ENPP2: variants seen among roughly 807,000 people sequenced by gnomAD.
The protein encoded by ENPP2 is autotaxin.
A neutral mutation model predicts 120.2 loss-of-function variants in ENPP2; 51 were observed. The ratio of observed to expected loss-of-function variants is 0.42; its 90% CI spans 0.34 to 0.54. The LOEUF (loss-of-function observed/expected upper bound fraction) is 0.54, where lower values mean the gene tolerates loss of function less well. Ranked by LOEUF, ENPP2 falls within the 20% of genes least tolerant of loss-of-function variation. ENPP2 has a pLI of 0.04. For missense variants in ENPP2, 920 were observed against 1,066.5 expected, an observed-to-expected ratio of 0.86 and a Z score of 1.91; for synonymous variants, 365 against 366.4, an observed-to-expected ratio of 1.00 and a Z score of 0.04.
chr8:119,619,172 T>A (rs1371749647), intron 5 of ENPP2, 72 bp downstream of exon 5: 1 of 1,113,258 alleles, frequency 9.0e-7, no homozygotes, highest in East Asian at 2.4e-5. Flanking sequence ...TCTAAATACT[T>A]CTCTTTTCAT....
chr8:119,606,451 C>T (rs911108995), intron 9 of ENPP2, among the ~76,000 whole-genome samples: 1 of 152,038 alleles, frequency 6.6e-6, no homozygotes, highest in African/African-American at 2.4e-5. Flanking sequence ...AAATATGTTA[C>T]AGAACAGAAG....
At chr8:119,607,712 A>T (rs1814821235) in intron 9 of ENPP2, among the ~76,000 whole-genome samples, 1 of 152,042 alleles carries the variant, frequency 6.6e-6, no homozygotes, top group African/African-American at 2.4e-5. Context: ...GATGGAAAAA[A>T]GGAGAGCTGG....
chr8:119,589,368 T>C (rs949086610), intron 13 of ENPP2, among the ~76,000 whole-genome samples: 1 of 152,184 alleles, frequency 6.6e-6, no homozygotes, highest in Non-Finnish European at 1.5e-5. Context: ...TTTTGTAAAG[T>C]ACAAAAATTT....
At chr8:119,638,840 G>A, upstream of ENPP2, 9 of 1,611,752 alleles carry the variant, frequency 5.6e-6, no homozygotes, top group Non-Finnish European at 7.6e-6. Flanking sequence ...GGAGTGCACT[G>A]CTTTGAGGCT....
At chr8:119,666,020 A>C (rs58696910) in intron 1 of ENPP2, among the ~76,000 whole-genome samples, 2,469 of 152,294 alleles carry the variant, frequency 0.016, 68 homozygotes, top group African/African-American at 0.056. Flanking sequence ...ATTGAAGATT[A>C]TGTTTTTGAA....
At chr8:119,631,182 C>T (rs1816644186) in intron 2 of ENPP2, among the ~76,000 whole-genome samples, 3 of 147,502 alleles carry the variant, frequency 2.0e-5, no homozygotes. Context: ...GTGTGAGCCA[C>T]TGCGCCCAGC....
chr8:119,658,506 C>T (rs950487894), intron 1 of ENPP2, among the ~76,000 whole-genome samples: 1 of 152,202 alleles, frequency 6.6e-6, no homozygotes, highest in Non-Finnish European at 1.5e-5. Flanking sequence ...TTCCTAGAGT[C>T]AGGCACATCT....
intron 11 of ENPP2, among the ~76,000 whole-genome samples, chr8:119,597,262 A>G (rs1376462502): frequency 2.0e-5 from 3 of 152,090 alleles, no homozygotes; most frequent in African/African-American, 7.2e-5. Context: ...CAGCAAAAGG[A>G]AAAGAGGATT....
At chr8:119,653,796 A>T (rs1037313861) in intron 1 of ENPP2, among the ~76,000 whole-genome samples, 8 of 152,078 alleles carry the variant, frequency 5.3e-5, no homozygotes, top group Non-Finnish European at 1.0e-4. Context: ...ATGGATATTT[A>T]ATGAGCACGC....
chr8:119,600,252 C>G (rs1282102699), intron 11 of ENPP2, among the ~76,000 whole-genome samples: 1 of 152,144 alleles, frequency 6.6e-6, no homozygotes, highest in African/African-American at 2.4e-5. Flanking sequence ...CTTAGCTGAT[C>G]TACCCTCTCT....
At chr8:119,577,639 A>G (rs1159738770) in intron 19 of ENPP2, among the ~76,000 whole-genome samples, 1 of 152,248 alleles carries the variant, frequency 6.6e-6, no homozygotes, top group Non-Finnish European at 1.5e-5. Flanking sequence ...TTGTGTCATT[A>G]AATGTTGGTG....
In ENPP2 at chr8:119,570,809, G is replaced by A. The variant is rs1814907445; in HGVS notation, c.1813C>T (p.Leu605Phe). 1 of 1,577,360 alleles carries A rather than the reference G, an allele frequency of 6.3e-7. No homozygotes were observed. The highest frequency in any genetic ancestry group is 1.4e-5 in the African/African-American group (1 of 72,928). ...RHLLYGRPAV[L>F]YRTRYDILYH... ...AAGATATCATATCTAGTCCGATAAA[G>A]CACTGCAGGTCGCCCATAGAGGAGG... The change falls in exon 20 of 25, where the codon CTT becomes TTT. Residue 605 changes from leucine (L) to phenylalanine (F), a missense_variant. Coordinates refer to ENST00000075322, the MANE Select transcript of ENPP2 (RefSeq NM_001040092.3).
At chr8:119,615,037 T>C (rs1016697912) in intron 8 of ENPP2, among the ~76,000 whole-genome samples, 2 of 152,208 alleles carry the variant, frequency 1.3e-5, no homozygotes, top group African/African-American at 4.8e-5. Flanking sequence ...GCAATATAAA[T>C]ATTTTGATCA....
intron 1 of ENPP2, among the ~76,000 whole-genome samples, chr8:119,646,998 C>CTTTT (rs528326819): frequency 1.4e-5 from 2 of 140,120 alleles, no homozygotes; most frequent in African/African-American, 2.6e-5. Context: ...TAATCTCTCT[C>CTTTT]TTTTTTTTTT....
intron 1 of ENPP2, among the ~76,000 whole-genome samples, chr8:119,672,055 C>T (rs1386700689): frequency 6.6e-6 from 1 of 152,122 alleles, no homozygotes; most frequent in Non-Finnish European, 1.5e-5. Context: ...AGGAGGTCTT[C>T]GGCGGCCTTG....
intron 21 of ENPP2, 98 bp downstream of exon 21, chr8:119,569,137 T>A: frequency 8.5e-7 from 1 of 1,178,094 alleles, no homozygotes; most frequent in African/African-American, 1.5e-5. Context: ...CTGAGCACCC[T>A]CTCTTGAAGA....
intron 9 of ENPP2, among the ~76,000 whole-genome samples, chr8:119,603,809 A>G (rs1814486920): frequency 1.3e-5 from 2 of 152,132 alleles, no homozygotes; most frequent in Non-Finnish European, 1.5e-5. Flanking sequence ...AGATATTCCT[A>G]CCAAAAAGAC....
chr8:119,593,682 A>AT, intron 12 of ENPP2, 70 bp downstream of exon 12: 1 of 977,674 alleles, frequency 1.0e-6, no homozygotes, highest in Non-Finnish European at 1.6e-6. Context: ...AAGGGCAAGG[A>AT]TTCTTTTCCT....
chr8:119,627,258 T>C (rs1338697301), intron 2 of ENPP2, among the ~76,000 whole-genome samples: 1 of 152,192 alleles, frequency 6.6e-6, no homozygotes, highest in Non-Finnish European at 1.5e-5. Flanking sequence ...TTTCAGCTAG[T>C]GTTTTACAAA....
Sources: gnomAD v4.1 joint callset for allele counts (sites outside exome capture counted in the v4.1 genomes callset) on GRCh38, gnomAD v4.1.1 for gene constraint, MANE v1.5 for transcripts, NCBI Gene and HGNC (gene_info 2026-07-23, HGNC 2026-07-21) for gene names.